The following MAMDC2 variants were observed in gnomAD, a reference collection of about 807,000 sequenced individuals.
The protein encoded by MAMDC2 is MAM domain-containing protein 2.
Under a neutral mutation model 89.8 loss-of-function variants are expected in MAMDC2, and 57 were observed. That is an observed-to-expected ratio of 0.63 (90% CI 0.51 to 0.79). The LOEUF is 0.79. Among genes scored for constraint, MAMDC2 ranks in the 30% least tolerant of loss-of-function variants. The probability of loss-of-function intolerance (pLI) is 0.00; values close to 1 mark genes in which losing one functional copy is unlikely to be tolerated. For synonymous variants in MAMDC2, 313 were observed against 293.4 expected (o/e 1.07, Z -0.68); for missense variants, 800 against 820.6 (o/e 0.97, Z 0.31).
At chr9:70,143,022 C>T (rs2031279149) in intron 8 of MAMDC2, among the ~76,000 whole-genome samples, 1 of 152,080 alleles carries the variant, frequency 6.6e-6, no homozygotes, top group Non-Finnish European at 1.5e-5. Context: ...GATGAAAAAC[C>T]TGCTCTTCAA....
chr9:70,180,821 G>A (rs1340020390), intron 11 of MAMDC2, among the ~76,000 whole-genome samples: 1 of 151,962 alleles, frequency 6.6e-6, no homozygotes, highest in Non-Finnish European at 1.5e-5. Flanking sequence ...TACTCTGATG[G>A]CAGTTTCTTT....
chr9:70,072,426 C>T (rs577959154), intron 2 of MAMDC2, among the ~76,000 whole-genome samples: 6 of 152,270 alleles, frequency 3.9e-5, no homozygotes, highest in African/African-American at 1.4e-4. Context: ...CTAGTCCTTT[C>T]CAACATAGAT....
At chr9:70,129,917 C>T (rs1342995310) in intron 6 of MAMDC2, among the ~76,000 whole-genome samples, 2 of 151,972 alleles carry the variant, frequency 1.3e-5, no homozygotes, top group African/African-American at 4.8e-5. Context: ...AGAAAATCTG[C>T]CCTATGCCTC....
At chr9:70,211,264 A>G (rs879596488) in intron 11 of MAMDC2, among the ~76,000 whole-genome samples, 3 of 152,202 alleles carry the variant, frequency 2.0e-5, no homozygotes, top group Non-Finnish European at 2.9e-5. Context: ...AGGTACACCA[A>G]TCAGATGTAG....
Position 70,073,525 on chromosome 9 carries a change from A to C in MAMDC2, c.148+28828A>C, listed in dbSNP as rs537861176. Among the ~76,000 whole-genome samples the C allele has an allele frequency of 3.9e-5, 6 of 152,218 alleles. No homozygotes were observed. The South Asian group carries it at 6.2e-4, about 16-fold the overall frequency. ...CAGCTTGGATACCTCTCCTTAAGCT[A>C]CTAAAGGGTCTCATGAACTCTGGGT... On this transcript the variant is annotated intron_variant, in intron 2 of 13. Coordinates refer to ENST00000377182, the MANE Select transcript of MAMDC2 (RefSeq NM_153267.5).
chr9:70,074,298 C>G (rs1162044131), intron 2 of MAMDC2, among the ~76,000 whole-genome samples: 2 of 152,200 alleles, frequency 1.3e-5, no homozygotes, highest in Non-Finnish European at 2.9e-5. Context: ...ACTTATGCAA[C>G]TTTTAAGGTT....
chr9:70,048,756 G>A (rs79527341), intron 2 of MAMDC2, among the ~76,000 whole-genome samples: 5,734 of 152,302 alleles, frequency 0.038, 125 homozygotes, highest in Non-Finnish European at 0.052. Context: ...GCCAGCTGTG[G>A]GGGCAGAGGT....
intron 2 of MAMDC2, among the ~76,000 whole-genome samples, chr9:70,080,668 T>A (rs1323974753): frequency 6.6e-6 from 1 of 152,208 alleles, no homozygotes; most frequent in African/African-American, 2.4e-5. Flanking sequence ...TAGGTTTCCA[T>A]GTGTCATTGC....
chr9:70,156,454 C>A (rs2031768434), intron 9 of MAMDC2, among the ~76,000 whole-genome samples: 1 of 152,150 alleles, frequency 6.6e-6, no homozygotes, highest in African/African-American at 2.4e-5. Flanking sequence ...GTAGACAAGA[C>A]ACATGAGAGG....
chr9:70,171,590 AAAGC>A (rs965387744), intron 11 of MAMDC2, among the ~76,000 whole-genome samples: 2 of 152,178 alleles, frequency 1.3e-5, no homozygotes, highest in Non-Finnish European at 2.9e-5. Flanking sequence ...TAACTGAATA[AAAGC>A]ACAACACTTG....
At chr9:70,169,267 A>T (rs980270855) in intron 10 of MAMDC2, among the ~76,000 whole-genome samples, 1 of 152,230 alleles carries the variant, frequency 6.6e-6, no homozygotes, top group African/African-American at 2.4e-5. Context: ...CAATAGACCA[A>T]GCAATGATGA....
At chr9:70,045,724 C>T (rs376119313) in intron 2 of MAMDC2, among the ~76,000 whole-genome samples, 10 of 152,122 alleles carry the variant, frequency 6.6e-5, no homozygotes, top group African/African-American at 2.4e-4. Context: ...CTTCTCTGAC[C>T]CTCACAGGTA....
chr9:70,112,138 G>A (rs919737017), intron 4 of MAMDC2, among the ~76,000 whole-genome samples: 2 of 152,182 alleles, frequency 1.3e-5, no homozygotes, highest in African/African-American at 4.8e-5. Context: ...GTGGAGAAGA[G>A]CAACGTGGAT....
At chr9:70,203,158 C>T (rs1229508577) in intron 11 of MAMDC2, among the ~76,000 whole-genome samples, 1 of 151,204 alleles carries the variant, frequency 6.6e-6, no homozygotes, top group Non-Finnish European at 1.5e-5. Flanking sequence ...TCTTGATGGT[C>T]TTTACATTTT....
chr9:70,107,630 T>C lies in MAMDC2; in HGVS notation c.149-581T>C, dbSNP rs992685724. ...TATTCCTAATTTAATAAAAAATAGC[T>C]TACAATGTACTTTTTCTGCCTAGGT... On this transcript the variant is annotated intron_variant, in intron 2 of 13. Coordinates refer to ENST00000377182, the MANE Select transcript of MAMDC2 (RefSeq NM_153267.5). 1.1e-4 allele frequency among the ~76,000 whole-genome samples: 17 copies of C among 152,316 alleles called. No homozygotes were observed. In the South Asian group the frequency reaches 2.1e-3, roughly 19 times the overall value.
At chr9:70,081,197 T>G (rs1463774448) in intron 2 of MAMDC2, among the ~76,000 whole-genome samples, 1 of 152,018 alleles carries the variant, frequency 6.6e-6, no homozygotes, top group Non-Finnish European at 1.5e-5. Flanking sequence ...TAAGATTTAA[T>G]TTGGGAGTAG....
chr9:70,217,899 A>G (rs2033479500), intron 11 of MAMDC2, among the ~76,000 whole-genome samples: 1 of 152,228 alleles, frequency 6.6e-6, no homozygotes, highest in African/African-American at 2.4e-5. Flanking sequence ...GTAAGTTTAG[A>G]GATTATTCAT....
intron 9 of MAMDC2, among the ~76,000 whole-genome samples, chr9:70,156,213 A>C (rs746862463): frequency 1.3e-5 from 2 of 152,226 alleles, no homozygotes; most frequent in Non-Finnish European, 2.9e-5. Flanking sequence ...TTGAAATTTA[A>C]GTCTTTGATT....
At chr9:70,118,406 T>C (rs1315220931) in intron 5 of MAMDC2, among the ~76,000 whole-genome samples, 3 of 150,150 alleles carry the variant, frequency 2.0e-5, no homozygotes, top group African/African-American at 7.4e-5. Context: ...GGGCCAAAAA[T>C]GATGAGTTCA....
Sources: gnomAD v4.1 joint callset for allele counts (sites outside exome capture counted in the v4.1 genomes callset) on GRCh38, gnomAD v4.1.1 for gene constraint, MANE v1.5 for transcripts, NCBI Gene and HGNC (gene_info 2026-07-23, HGNC 2026-07-21) for gene names.